Variants in SIN3B observed in about 807,000 individuals in gnomAD.
SIN3B encodes the protein SIN3 transcription regulator family member B.
SIN3B carries 19 observed loss-of-function variants against 120.2 expected under a neutral mutation model. The observed-to-expected ratio is 0.16, with a 90% CI of 0.11 to 0.23. The LOEUF (loss-of-function observed/expected upper bound fraction) is 0.23, where lower values mean the gene tolerates loss of function less well. SIN3B is among the 10% of genes least tolerant of loss of function. The pLI is 1.00. For missense variants in SIN3B, 1,073 were observed against 1,573.0 expected, an observed-to-expected ratio of 0.68 and a Z score of 5.38; for synonymous variants, 654 against 653.2, an observed-to-expected ratio of 1.00 and a Z score of -0.02.
intron 8 of SIN3B, among the ~76,000 whole-genome samples, chr19:16,856,339 C>T (rs148082415): frequency 2.2e-4 from 34 of 152,266 alleles, no homozygotes; most frequent in African/African-American, 8.2e-4. Flanking sequence ...TAGGGTGAGT[C>T]ACTTGGGCAG....
At chr19:16,861,301 G>T (rs1471480388) in intron 8 of SIN3B, among the ~76,000 whole-genome samples, 1 of 152,194 alleles carries the variant, frequency 6.6e-6, no homozygotes, top group Non-Finnish European at 1.5e-5. Context: ...GCGTACACAA[G>T]TGGATGTGAC....
chr19:16,846,978 G>T lies in SIN3B; in HGVS notation c.591G>T (p.Gln197His). ...LEILHTYQKE[Q>H]LNTRGRPFRG... ...TTCCTGAAAACTGGCAGAAGGAGCA[G>T]CTGAACACGAGGGGCCGGCCATTCC... The change falls in exon 5 of 19, where the codon CAG (glutamine) becomes CAT (histidine). Residue 197 changes from glutamine (Q) to histidine (H), a missense_variant. Physicochemically the swap from Gln to His is conservative, Grantham distance 24. Around this residue, in one of 7 missense-constraint regions of SIN3B, gnomAD observed 395 missense variants for 528.0 expected, o/e 0.75. Coordinates refer to ENST00000248054, the MANE Select transcript of SIN3B (RefSeq NM_001297595.2). The T allele has an allele frequency of 6.2e-7, 1 of 1,613,910 alleles. No homozygotes were observed. Among genetic ancestry groups the T allele is most frequent in the Non-Finnish European group, 8.5e-7 (1 of 1,179,770 alleles).
At chr19:16,871,789 T>TA (rs1473041697) in intron 14 of SIN3B, among the ~76,000 whole-genome samples, 2 of 152,324 alleles carry the variant, frequency 1.3e-5, no homozygotes, top group East Asian at 1.9e-4. Context: ...CGTGGGTAGC[T>TA]ACGTTTTGTT....
chr19:16,854,068 C>A, intron 7 of SIN3B, 75 bp from the exon 8 acceptor site: 2 of 1,085,712 alleles, frequency 1.8e-6, no homozygotes, highest in Non-Finnish European at 2.7e-6. Flanking sequence ...ACCCATGTGG[C>A]TGACCTACAA....
intron 7 of SIN3B, among the ~76,000 whole-genome samples, chr19:16,853,821 C>T (rs1004122345): frequency 6.0e-5 from 9 of 149,442 alleles, no homozygotes; most frequent in Admixed American, 6.7e-5. Context: ...GCTGCATGGA[C>T]GCGTGCAGGG....
chr19:16,838,759 C>G (rs1568412944), intron 3 of SIN3B, among the ~76,000 whole-genome samples: 1 of 151,894 alleles, frequency 6.6e-6, no homozygotes, highest in Non-Finnish European at 1.5e-5. Flanking sequence ...AAAACTTCTG[C>G]TTCTCAGGTT....
At chr19:16,842,788 A>G (rs900098795) in intron 4 of SIN3B, among the ~76,000 whole-genome samples, 21 of 152,282 alleles carry the variant, frequency 1.4e-4, no homozygotes, top group Admixed American at 5.2e-4. Context: ...CAGGGTTAAT[A>G]TGATTCCCAG....
intron 16 of SIN3B, chr19:16,877,241 C>A: frequency 2.4e-6 from 1 of 411,082 alleles, no homozygotes; most frequent in South Asian, 3.2e-5. Context: ...ACAGTGTGGG[C>A]CGGGCGGTGC....
At chr19:16,829,937 G>A in intron 2 of SIN3B, 40 bp downstream of exon 2, 1 of 1,475,922 alleles carries the variant, frequency 6.8e-7, no homozygotes. Context: ...GGACCCCCCT[G>A]GGCCGGAATC....
intron 12 of SIN3B, among the ~76,000 whole-genome samples, chr19:16,867,341 C>T (rs575447943): frequency 7.2e-5 from 11 of 152,310 alleles, no homozygotes; most frequent in African/African-American, 1.7e-4. Flanking sequence ...TCGAGGCTTT[C>T]GGCTGCATGT....
At chr19:16,841,739 C>A in intron 3 of SIN3B, 29 bp from the exon 4 acceptor site, 1 of 1,603,126 alleles carries the variant, frequency 6.2e-7, no homozygotes, top group Non-Finnish European at 8.5e-7. Flanking sequence ...AGTGTCGGGC[C>A]TGGCAGTAAC....
rs1351609057 is a variant in SIN3B, at chr19:16,862,865, T to C, written c.1266+306T>C. The C allele has an allele frequency of 8.8e-6, 14 of 1,596,984 alleles. No homozygotes were observed. The highest frequency in any genetic ancestry group is 1.1e-5 in the Non-Finnish European group (13 of 1,164,484). Reference sequence around the variant, plus strand: ...CTGCTCTGTCCCGGGCTCACTGACCTCAGTGTGTTTCTGTTTAGCTTGACC... The same window carrying C: ...CTGCTCTGTCCCGGGCTCACTGACCCCAGTGTGTTTCTGTTTAGCTTGACC... On this transcript the variant is annotated intron_variant, in intron 9 of 18. Coordinates refer to ENST00000248054, the MANE Select transcript of SIN3B (RefSeq NM_001297595.2). This position sits in a 1 kb window ranked among gnomAD's most constrained non-coding sequence, Gnocchi z 4.7.
At chr19:16,863,062 C>T in intron 9 of SIN3B, 1 of 1,034,342 alleles carries the variant, frequency 9.7e-7, no homozygotes, top group Non-Finnish European at 1.5e-6. Context: ...CACAACCATT[C>T]CTTTACATAT....
intron 5 of SIN3B, among the ~76,000 whole-genome samples, chr19:16,850,280 C>T (rs1324093803): frequency 6.6e-6 from 1 of 151,994 alleles, no homozygotes; most frequent in African/African-American, 2.4e-5. Context: ...TGCAAACTTC[C>T]TCTCCCTTGA....
chr19:16,876,979 G>A lies in SIN3B; in HGVS notation c.2859+401G>A, dbSNP rs977918340. 9.9e-6 allele frequency: 2 copies of A among 201,558 alleles called. No homozygotes were observed. Among genetic ancestry groups the A allele is most frequent in the Non-Finnish European group, 1.0e-5 (1 of 99,442 alleles). 12.5% of individuals were successfully genotyped at this position (201,558 alleles called of 1,614,324 possible). A position where few individuals can be genotyped will look rare whatever the true frequency, so the allele number is the denominator to read the frequency against. On this transcript the variant is annotated intron_variant, in intron 16 of 18. Coordinates refer to ENST00000248054, the MANE Select transcript of SIN3B (RefSeq NM_001297595.2). The surrounding 1 kb of genome is among the most constrained non-coding windows in gnomAD (Gnocchi z 7.1). ...CCCAGCTCCCAGTCACAATTTTTGC[G>A]GGGACAGATGTTTCCTGCTCACCTC...
intron 12 of SIN3B, among the ~76,000 whole-genome samples, chr19:16,868,939 T>C (rs1971816827): frequency 6.6e-6 from 1 of 152,196 alleles, no homozygotes; most frequent in Admixed American, 6.5e-5. Context: ...TTCCGGGTAG[T>C]AGATGGAGGG....
rs150932896 is a variant in SIN3B at position 16,858,687 on chromosome 19, C to T, written c.1059-3665C>T. On this transcript the variant is annotated intron_variant, in intron 8 of 18. Coordinates refer to ENST00000248054, the MANE Select transcript of SIN3B (RefSeq NM_001297595.2). ...GACCAAGGCCGGGCCTGGTGGCTCA[C>T]GCCTGTAATCCTAGCACTATGGGAG... Among the ~76,000 whole-genome samples, 1,158 of 152,198 alleles carry T rather than the reference C, an allele frequency of 7.6e-3. 58 individuals carry two copies. Among genetic ancestry groups the T allele is most frequent in the Admixed American group, 0.069 (1,050 of 15,270 alleles).
In SIN3B at chr19:16,869,598, A is replaced by G. The variant is rs1235686746; in HGVS notation, c.1945A>G (p.Lys649Glu). 6.2e-6 allele frequency: 10 copies of G among 1,613,578 alleles called. No homozygotes were observed. Among genetic ancestry groups the G allele is most frequent in the Middle Eastern group, 1.6e-4 (1 of 6,062 alleles). Residue 649 changes from lysine to glutamate, a missense_variant, in exon 13 of 19, where the codon AAG becomes GAG. Lys to Glu is a moderately conservative substitution (Grantham distance 56). Transcript: ENST00000248054. ...CGTGAAGCGGCAGCCGGCCATCCAG[A>G]AGGAGGACCAGGGCACCATCCACCA... ...YYVKRQPAIQ[K>E]EDQGTIHQLL...
chr19:16,865,347 G>T, intron 10 of SIN3B, 63 bp from the exon 11 acceptor site: 3 of 1,091,406 alleles, frequency 2.7e-6, no homozygotes, highest in East Asian at 2.4e-5. Flanking sequence ...GAGGTCCCAG[G>T]CTCCTCTCTG....
Sources: allele counts gnomAD v4.1 joint callset (sites outside exome capture counted in the v4.1 genomes callset), GRCh38; gene constraint gnomAD v4.1.1; regional missense constraint gnomAD v4.1.1; non-coding constraint Gnocchi (gnomAD v3.1); transcripts MANE v1.5; gene names NCBI Gene and HGNC (gene_info 2026-07-23, HGNC 2026-07-21).